Variants in PABPC4 observed in about 807,000 individuals in gnomAD.
PABPC4 encodes the protein poly(A) binding protein cytoplasmic 4.
A neutral mutation model predicts 74.5 loss-of-function variants in PABPC4; 15 were observed. That is an observed-to-expected ratio of 0.20 (90% CI 0.13 to 0.31). PABPC4 has a LOEUF of 0.31. PABPC4 is among the 10% of genes least tolerant of loss of function. PABPC4 has a pLI of 1.00. For synonymous variants in PABPC4, 345 were observed against 303.0 expected, an observed-to-expected ratio of 1.14 and a Z score of -1.44; for missense variants, 610 against 853.5, an observed-to-expected ratio of 0.71 and a Z score of 3.55.
intron 3 of PABPC4, 110 bp downstream of exon 3, chr1:39,571,124 G>A: frequency 6.3e-7 from 1 of 1,579,026 alleles, no homozygotes; most frequent in Non-Finnish European, 8.6e-7. Context: ...GGTAGGAGCA[G>A]GCCACACTTG....
Position 39,565,325 on chromosome 1 carries a change from A to T in PABPC4, c.1026T>A (p.Ser342=). ...TGACTGCTTTGGTTGCTTCTTCAGG[A>T]GATGAGAAGCAGACGAAGCCAAACC... ...SKGFGFVCFS[S]PEEATKAVTE... The change falls in exon 8 of 16, where the codon TCT becomes TCA. Residue 342 remains serine (S), a synonymous_variant. Transcript: ENST00000372858. The T allele has an allele frequency of 6.2e-7, 1 of 1,613,938 alleles. No homozygotes were observed. Among genetic ancestry groups the T allele is most frequent in the Non-Finnish European group, 8.5e-7 (1 of 1,179,964 alleles).
intron 15 of PABPC4, chr1:39,561,449 G>A (rs1449239677): frequency 4.0e-6 from 2 of 499,422 alleles, no homozygotes; most frequent in Admixed American, 3.5e-5. Flanking sequence ...TCCCTATCTG[G>A]AGACACCTAC....
rs766270098 is a variant in PABPC4, at chr1:39,572,419, C to T, written c.361G>A (p.Ala121Thr). 20 of 1,613,536 alleles carry T rather than the reference C, an allele frequency of 1.2e-5. No individual in the cohort carries two copies. The South Asian group carries it at 1.9e-4, about 15-fold the overall frequency. ...DNKALYDTFS[A>T]FGNILSCKVV... ...TTGCAGGACAGTATGTTTCCAAAAG[C>T]AGAAAAAGTATCATAAAGTGCCTTG... is the stretch of plus-strand genomic sequence containing the variant. The change falls in exon 2 of 16, where the codon GCT becomes ACT. Residue 121 changes from alanine to threonine, a missense_variant. This residue lies in a region of PABPC4 where 304 missense variants were observed against 478.9 expected (regional missense o/e 0.63). Transcript: ENST00000372858.
intron 2 of PABPC4, chr1:39,571,805 C>G (rs1297147137): frequency 3.0e-6 from 1 of 338,736 alleles, no homozygotes; most frequent in Non-Finnish European, 5.8e-6. Flanking sequence ...CCCAGGAGGT[C>G]GAAGCTACAA....
At chr1:39,562,475 T>C (rs1645779947) in intron 12 of PABPC4, 59 bp from the exon 13 acceptor site, 3 of 1,237,718 alleles carry the variant, frequency 2.4e-6, no homozygotes, top group East Asian at 2.4e-5. Context: ...CTGATGGTGG[T>C]TGAGTGCCTG....
chr1:39,571,608 A>C, intron 2 of PABPC4: 1 of 540,304 alleles, frequency 1.9e-6, no homozygotes. Context: ...AATACTTAAA[A>C]TTGGGTGCTG....
intron 1 of PABPC4, among the ~76,000 whole-genome samples, chr1:39,573,410 AG>A (rs1360395317): frequency 1.3e-5 from 2 of 152,226 alleles, no homozygotes; most frequent in Non-Finnish European, 2.9e-5. Context: ...GAAGTTCTGT[AG>A]AATTCTAGGA....
chr1:39,570,928 G>A (rs917339807), intron 3 of PABPC4, among the ~76,000 whole-genome samples: 5 of 152,236 alleles, frequency 3.3e-5, no homozygotes, highest in East Asian at 1.9e-4. Flanking sequence ...CCAAGACCCC[G>A]ACTCAGAGTG....
intron 2 of PABPC4, chr1:39,571,792 G>C: frequency 2.9e-6 from 1 of 350,042 alleles, no homozygotes; most frequent in Non-Finnish European, 5.6e-6. Context: ...AGGATGGCTT[G>C]AGCCCAGGAG....
chr1:39,564,209 G>T, intron 10 of PABPC4: 1 of 637,790 alleles, frequency 1.6e-6, no homozygotes, highest in Non-Finnish European at 2.7e-6. Context: ...TTTTCACATA[G>T]GTCACCGATG....
At position 39,567,779 on chromosome 1, in the gene PABPC4, G is replaced by A. The variant is rs752205109; in HGVS notation, c.944C>T (p.Ser315Phe). The stretch of plus-strand genomic sequence containing the variant: ...AGCACTGGTAATTGATCCAAAAGGA[G>A]AAAATTCTTTCCTTAATTTCTCATC... Reference protein sequence around the residue: ...IDDEKLRKEFSPFGSITSAKV... With the variant: ...IDDEKLRKEFFPFGSITSAKV... Residue 315 changes from serine to phenylalanine, a missense_variant, in exon 7 of 16, where the codon TCT becomes TTT. Ser to Phe is a radical substitution (Grantham distance 155). Around this residue, in one of 4 missense-constraint regions of PABPC4, gnomAD observed 304 missense variants for 478.9 expected, o/e 0.63. Coordinates refer to ENST00000372858, the MANE Select transcript of PABPC4 (RefSeq NM_001135653.2). 6.9e-5 allele frequency: 110 copies of A among 1,590,296 alleles called. No individual in the cohort carries two copies. The highest frequency in any genetic ancestry group is 9.0e-5 in the Non-Finnish European group (104 of 1,158,456).
chr1:39,571,128 A>G, intron 3 of PABPC4, 106 bp downstream of exon 3: 1 of 1,582,750 alleles, frequency 6.3e-7, no homozygotes, highest in East Asian at 2.2e-5. Context: ...GGAGCAGGCC[A>G]CACTTGGGCC....
chr1:39,567,054 G>A (rs916813008), intron 7 of PABPC4, among the ~76,000 whole-genome samples: 7 of 152,092 alleles, frequency 4.6e-5, no homozygotes, highest in Admixed American at 2.0e-4. Context: ...CAAGACCGGC[G>A]TCTGCATCCG....
intron 9 of PABPC4, 66 bp downstream of exon 9, chr1:39,564,620 A>G: frequency 6.2e-7 from 1 of 1,609,856 alleles, no homozygotes; most frequent in Non-Finnish European, 8.5e-7. Context: ...GTGGGGAAGA[A>G]GGAAAGGCAG....
In PABPC4 at chr1:39,565,309, T is replaced by C; in HGVS notation, c.1042A>G (p.Lys348Glu). 1 of 1,614,158 alleles carries C rather than the reference T, an allele frequency of 6.2e-7. No individual in the cohort carries two copies. Among genetic ancestry groups the C allele is most frequent in the South Asian group, 1.1e-5 (1 of 91,084 alleles). ...CGTCCATTCATCTCAGTGACTGCTT[T>C]GGTTGCTTCTTCAGGAGATGAGAAG... is the stretch of plus-strand genomic sequence containing the variant. ...VCFSSPEEAT[K>E]AVTEMNGRIV... is the part of the protein sequence containing the mutation. The change falls in exon 8 of 16, where the codon AAA becomes GAA. Residue 348 changes from lysine to glutamate, a missense_variant. This residue lies in a region of PABPC4 where 304 missense variants were observed against 478.9 expected (regional missense o/e 0.63). Coordinates refer to ENST00000372858, the MANE Select transcript of PABPC4 (RefSeq NM_001135653.2).
intron 13 of PABPC4, 24 bp from the exon 14 acceptor site, chr1:39,562,227 A>G: frequency 6.2e-7 from 1 of 1,613,962 alleles, no homozygotes; most frequent in South Asian, 1.1e-5. Context: ...AGTTAATAAA[A>G]AAACAAATCA....
chr1:39,563,424 G>C, intron 12 of PABPC4, 190 bp downstream of exon 12: 3 of 663,236 alleles, frequency 4.5e-6, no homozygotes, highest in Non-Finnish European at 2.4e-6. Flanking sequence ...ACTGGCATCA[G>C]GCAGAGCACT....
At chr1:39,570,251 A>T (rs1376283885) in intron 3 of PABPC4, among the ~76,000 whole-genome samples, 1 of 152,216 alleles carries the variant, frequency 6.6e-6, no homozygotes, top group African/African-American at 2.4e-5. Flanking sequence ...CACTGCCTTC[A>T]TGAAGAAACC....
rs1272312492 is a variant in PABPC4, at chr1:39,575,937, G to A, written c.15C>T (p.Ala5=). The A allele has an allele frequency of 1.3e-6, 2 of 1,592,382 alleles. No individual in the cohort carries two copies. Among genetic ancestry groups the A allele is most frequent in the East Asian group, 2.3e-5 (1 of 42,946 alleles). MNAA[A]SSYPMASLYV... is the part of the protein sequence containing the mutation. ...ACAGGGAGGCCATGGGGTAGCTGCT[G>A]GCCGCAGCGTTCATCTCCCCGCCCC... Residue 5 remains alanine, a synonymous_variant, in exon 1 of 16, where the codon GCC becomes GCT. Transcript: ENST00000372858.
Sources: allele counts gnomAD v4.1 joint callset (sites outside exome capture counted in the v4.1 genomes callset), GRCh38; gene constraint gnomAD v4.1.1; regional missense constraint gnomAD v4.1.1; transcripts MANE v1.5; gene names NCBI Gene and HGNC (gene_info 2026-07-23, HGNC 2026-07-21).